CSF2RA: variants seen among roughly 807,000 people sequenced by gnomAD.
The protein encoded by CSF2RA is granulocyte-macrophage colony-stimulating factor receptor subunit alpha.
In CSF2RA, 42 loss-of-function variants were observed where a neutral mutation model predicts 51.6. That is an observed-to-expected ratio of 0.81 (90% CI 0.64 to 1.05). The LOEUF (loss-of-function observed/expected upper bound fraction) is 1.05. Ranked by LOEUF, CSF2RA falls within the 50% of genes least tolerant of loss-of-function variation. CSF2RA has a pLI of 0.00. For missense variants in CSF2RA, 530 were observed against 501.1 expected (o/e 1.06, Z -0.55); for synonymous variants, 222 against 193.0 (o/e 1.15, Z -1.24).
intron 10 of CSF2RA, among the ~76,000 whole-genome samples, chrX:1,301,822 G>A (rs2082979798): frequency 6.7e-6 from 1 of 150,022 alleles, no homozygotes; most frequent in East Asian, 2.0e-4. Context: ...TAGCCAGGAT[G>A]GTCTCGATCT....
At chrX:1,314,361 T>A (rs113750885), downstream of CSF2RA, among the ~76,000 whole-genome samples, 144 of 38,576 alleles carry the variant, frequency 3.7e-3, no homozygotes, top group East Asian at 0.02. Context: ...CCAACCCCAC[T>A]GCATCTGCCC....
intron 9 of CSF2RA, among the ~76,000 whole-genome samples, chrX:1,299,400 G>A (rs867554217): frequency 6.6e-6 from 1 of 152,232 alleles, no homozygotes; most frequent in African/African-American, 2.4e-5. Flanking sequence ...GTTAATATCA[G>A]TTGTTGATCC....
chrX:1,308,236 C>T (rs766431750), intron 12 of CSF2RA, among the ~76,000 whole-genome samples: 9 of 152,146 alleles, frequency 5.9e-5, no homozygotes, highest in African/African-American at 7.2e-5. Context: ...AGCCTAGTCA[C>T]GGGGACACGT....
chrX:1,285,045 C>A (rs1313318685), intron 3 of CSF2RA, among the ~76,000 whole-genome samples: 1 of 150,788 alleles, frequency 6.6e-6, no homozygotes, highest in Admixed American at 6.6e-5. Flanking sequence ...ACCATCACAC[C>A]TGCCTAATTT....
intron 6 of CSF2RA, among the ~76,000 whole-genome samples, chrX:1,289,784 A>T (rs1395270899): frequency 0.048 from 1,823 of 37,620 alleles, no homozygotes; most frequent in Middle Eastern, 0.13. Flanking sequence ...TTTTTGTTTC[A>T]TTTTGTTTTG....
chrX:1,285,731 A>C (rs753523106), intron 3 of CSF2RA, 47 bp from the exon 4 acceptor site: 1 of 944,910 alleles, frequency 1.1e-6, no homozygotes. Context: ...AAAAAAAAAA[A>C]GGAAAAGAAA....
chrX:1,282,498 G>T, intron 2 of CSF2RA, 180 bp from the exon 3 acceptor site: 1 of 660,384 alleles, frequency 1.5e-6, no homozygotes, highest in Non-Finnish European at 2.8e-6. Flanking sequence ...CTAATCCCAT[G>T]TGGGAGACAG....
intron 11 of CSF2RA, among the ~76,000 whole-genome samples, chrX:1,304,727 C>T (rs1202324161): frequency 1.3e-5 from 2 of 151,932 alleles, no homozygotes; most frequent in African/African-American, 2.4e-5. Context: ...TGCAGTGTTG[C>T]AATCTCGGCT....
At position 1,295,334 on chromosome X, in the gene CSF2RA, G is replaced by A. The variant is rs2148502677; in HGVS notation, c.781-93G>A. Reference sequence around the variant, plus strand: ...CTCCGCAGGGACTCCTTCCCATTCGGTGCCCACACCAGGGGAGACACTGTG... The same window carrying A: ...CTCCGCAGGGACTCCTTCCCATTCGATGCCCACACCAGGGGAGACACTGTG... On this transcript the variant is annotated intron_variant, in intron 8 of 12. Coordinates refer to ENST00000381529, the MANE Select transcript of CSF2RA (RefSeq NM_172245.4). 2.6e-6 allele frequency: 4 copies of A among 1,533,502 alleles called. No homozygotes were observed. In the Admixed American group the frequency reaches 5.0e-5, roughly 19 times the overall value. 95.0% of individuals were successfully genotyped at this position (1,533,502 alleles called of 1,614,324 possible). A position where few individuals can be genotyped will look rare whatever the true frequency, so the allele number is the denominator to read the frequency against.
rs1464890665 is a variant in CSF2RA at position 1,283,583 on chromosome X, T to C, written c.76+804T>C. ...CTTTCTTTCCTTCTTTCTTTTTCTT[T>C]CTTTTCAGAGTCTCCCTCTTGTTGC... On this transcript the variant is annotated intron_variant, in intron 3 of 12. Transcript: ENST00000381529. 4.6e-5 allele frequency among the ~76,000 whole-genome samples: 7 copies of C among 151,536 alleles called. No individual in the cohort carries two copies. The South Asian group carries it at 8.4e-4, about 18-fold the overall frequency.
chrX:1,298,970 G>A (rs1208332590), intron 9 of CSF2RA, among the ~76,000 whole-genome samples: 2 of 152,042 alleles, frequency 1.3e-5, no homozygotes, highest in African/African-American at 2.4e-5. Flanking sequence ...CAGTCTCCAC[G>A]AACCCTACAG....
the CSF2RA span, among the ~76,000 whole-genome samples, chrX:1,317,072 G>A: frequency 2.0e-5 from 3 of 151,206 alleles, no homozygotes; most frequent in African/African-American, 7.3e-5. Context: ...TCAGCCTCCC[G>A]AGTAGCTGGG....
chrX:1,300,372 A>G, intron 9 of CSF2RA, 119 bp from the exon 10 acceptor site: 1 of 1,293,932 alleles, frequency 7.7e-7, no homozygotes, highest in Non-Finnish European at 1.1e-6. Flanking sequence ...GTAGAAAAAA[A>G]AGAAGAAAAA....
rs28402135 is a variant in CSF2RA, at chrX:1,288,246, C to G, written c.220-273C>G. Among the ~76,000 whole-genome samples, 73,733 of 147,954 alleles carry G rather than the reference C, an allele frequency of 0.5. 18,636 individuals carry two copies. Among genetic ancestry groups the G allele is most frequent in the East Asian group, 0.67 (3,165 of 4,736 alleles). The stretch of plus-strand genomic sequence containing the variant: ...CCTGTAATCCCAGCACTTTGGGAGG[C>G]CGAGGCGGGTGGATCACCTGAGGTC... On this transcript the variant is annotated intron_variant, in intron 4 of 12. Coordinates refer to ENST00000381529, the MANE Select transcript of CSF2RA (RefSeq NM_172245.4).
At chrX:1,279,799 C>G (rs1212392559) in intron 2 of CSF2RA, among the ~76,000 whole-genome samples, 1 of 150,456 alleles carries the variant, frequency 6.6e-6, no homozygotes, top group East Asian at 2.0e-4. Context: ...TGTTTGTTTG[C>G]TTTTCCTTGA....
intron 2 of CSF2RA, among the ~76,000 whole-genome samples, chrX:1,275,260 A>G (rs1197349251): frequency 2.0e-5 from 3 of 151,822 alleles, no homozygotes; most frequent in Non-Finnish European, 4.4e-5. Flanking sequence ...GTGTAGTGGC[A>G]GTTGCCTCTA....
intron 4 of CSF2RA, among the ~76,000 whole-genome samples, chrX:1,287,434 G>C (rs748473214): frequency 2.0e-5 from 3 of 150,022 alleles, no homozygotes; most frequent in South Asian, 2.1e-4. Context: ...TTACAGGTGT[G>C]AGCCACCGTG....
At chrX:1,294,187 C>A in intron 7 of CSF2RA, 141 bp from the exon 8 acceptor site, 1 of 1,048,572 alleles carries the variant, frequency 9.5e-7, no homozygotes, top group Non-Finnish European at 1.5e-6. Flanking sequence ...CCACCTCCAC[C>A]TGGACCCAGT....
the CSF2RA span, among the ~76,000 whole-genome samples, chrX:1,317,827 G>T: frequency 6.6e-6 from 1 of 151,552 alleles, no homozygotes; most frequent in Non-Finnish European, 1.5e-5. Flanking sequence ...GAAAGTAAGA[G>T]ATTGCTAGGA....
Sources: gnomAD v4.1 joint callset for allele counts (sites outside exome capture counted in the v4.1 genomes callset) on GRCh38, gnomAD v4.1.1 for gene constraint, MANE v1.5 for transcripts, NCBI Gene and HGNC (gene_info 2026-07-23, HGNC 2026-07-21) for gene names.